Variants in ZC3H14 observed in about 807,000 individuals in gnomAD.
ZC3H14 encodes the protein zinc finger CCCH domain-containing protein 14.
Under a neutral mutation model 92.4 loss-of-function variants are expected in ZC3H14, and 31 were observed. The observed-to-expected ratio is 0.34, with a 90% CI of 0.25 to 0.45. The LOEUF is 0.45. ZC3H14 is among the 20% of genes least tolerant of loss of function. The pLI, the probability that ZC3H14 is intolerant of heterozygous loss-of-function variation, is 1.00. For missense variants in ZC3H14, 781 were observed against 897.3 expected, an observed-to-expected ratio of 0.87 and a Z score of 1.66; for synonymous variants, 321 against 300.9, an observed-to-expected ratio of 1.07 and a Z score of -0.69.
rs150726246 is a variant in ZC3H14, at chr14:88,568,273, G to A, written c.194+120G>A. ...TTTACTTTGGAGAGGCAGTTTGTGA[G>A]TGATGAGAGCACAGCCTCTGTATTA... On this transcript the variant is annotated intron_variant, in intron 3 of 16. Coordinates refer to ENST00000251038, the MANE Select transcript of ZC3H14 (RefSeq NM_024824.5). 5.8e-3 allele frequency: 4,563 copies of A among 780,206 alleles called. 38 individuals are homozygous for A. Among genetic ancestry groups the A allele is most frequent in the Non-Finnish European group, 5.9e-3 (2,634 of 446,608 alleles). The allele number at this position is 780,206 out of a possible 1,614,324, so 48.3% of individuals were successfully genotyped here.
intron 9 of ZC3H14, among the ~76,000 whole-genome samples, chr14:88,583,609 A>G (rs1344803259): frequency 6.6e-6 from 1 of 152,140 alleles, no homozygotes; most frequent in Non-Finnish European, 1.5e-5. Context: ...AGTATTTGGA[A>G]GTGGTATGTG....
At position 88,620,700 on chromosome 14, in the gene ZC3H14, A is replaced by G. The variant is rs2088734532; in HGVS notation, c.*8949A>G. 17 of 1,390,970 alleles carry G rather than the reference A, an allele frequency of 1.2e-5. No individual in the cohort carries two copies. Among genetic ancestry groups the G allele is most frequent in the Non-Finnish European group, 1.6e-5 (17 of 1,067,876 alleles). 86.2% of individuals were successfully genotyped at this position (1,390,970 alleles called of 1,614,324 possible). A position where few individuals can be genotyped will look rare whatever the true frequency, so the allele number is the denominator to read the frequency against. On this transcript the variant is annotated 3_prime_UTR_variant, in exon 17 of 17. Transcript: ENST00000251038. The surrounding 1 kb of genome is among the most constrained non-coding windows in gnomAD (Gnocchi z 4.3). ...AGGCAAGGCTATGGAAAATTTTACA[A>G]ATGGAAGTTAAATCAAGTATATACT...
In ZC3H14 at chr14:88,563,051, C is replaced by G; in HGVS notation, c.-83C>G. 2.0e-6 allele frequency: 3 copies of G among 1,525,860 alleles called. No individual in the cohort carries two copies. The highest frequency in any genetic ancestry group is 2.8e-5 in the African/African-American group (2 of 72,098). 94.5% of individuals were successfully genotyped at this position (1,525,860 alleles called of 1,614,324 possible). On this transcript the variant is annotated 5_prime_UTR_variant, in exon 1 of 17. Transcript: ENST00000251038. ...GGAACGGAGGAGGAGGCGGTGGTGT[C>G]CCGGCTGCGGGGTAGGAGTCCGCGG...
Position 88,616,878 on chromosome 14 carries a change from T to C in ZC3H14, c.*5127T>C. The stretch of plus-strand genomic sequence containing the variant: ...ATTCCCAAAACCTCATCTCCTAGAA[T>C]ACTAGAGGGAAGGAACAAAAGAAAA... On this transcript the variant is annotated 3_prime_UTR_variant, in exon 17 of 17. Transcript: ENST00000251038. The C allele has an allele frequency of 6.2e-7, 1 of 1,613,130 alleles. No homozygotes were observed. Among genetic ancestry groups the C allele is most frequent in the Non-Finnish European group, 8.5e-7 (1 of 1,179,532 alleles).
intron 8 of ZC3H14, 106 bp from the exon 9 acceptor site, chr14:88,577,879 T>G: frequency 1.2e-5 from 18 of 1,459,722 alleles, no homozygotes; most frequent in Non-Finnish European, 1.6e-5. Context: ...TGAACTCATA[T>G]GTCCTAAACC....
In ZC3H14 at chr14:88,627,097, C is replaced by A. The variant is rs2090029360; in HGVS notation, c.*15346C>A. ...AGGTTATTACAAGAACCAAGCTAAT[C>A]AACAGCATCAAACAAATATGTAAAA... On this transcript the variant is annotated 3_prime_UTR_variant, in exon 17 of 17. Coordinates refer to ENST00000251038, the MANE Select transcript of ZC3H14 (RefSeq NM_024824.5). The A allele has an allele frequency of 2.6e-6, 4 of 1,562,472 alleles. No individual in the cohort carries two copies. Among genetic ancestry groups the A allele is most frequent in the Non-Finnish European group, 2.6e-6 (3 of 1,137,476 alleles).
At chr14:88,564,315 C>G (rs2079281767) in intron 2 of ZC3H14, among the ~76,000 whole-genome samples, 1 of 152,128 alleles carries the variant, frequency 6.6e-6, no homozygotes, top group Non-Finnish European at 1.5e-5. Flanking sequence ...AGTGTTTACT[C>G]TGGGTCAGGT....
intron 12 of ZC3H14, among the ~76,000 whole-genome samples, chr14:88,606,235 A>G (rs2085377930): frequency 6.6e-6 from 1 of 152,208 alleles, no homozygotes; most frequent in Non-Finnish European, 1.5e-5. Flanking sequence ...CTGAAACAGG[A>G]TAAAAATCTG....
At chr14:88,602,147 G>T in intron 11 of ZC3H14, 64 bp downstream of exon 11, 1 of 1,606,556 alleles carries the variant, frequency 6.2e-7, no homozygotes, top group South Asian at 1.1e-5. Context: ...TTAACCATTC[G>T]TTTGCAGCTT....
At position 88,602,925 on chromosome 14, in the gene ZC3H14, G is replaced by A; in HGVS notation, c.1612G>A (p.Asp538Asn). Reference sequence around the variant, plus strand: ...AGGATACATGTCAGATCAAGAGGAGGACATGTGCTTTGAAGGAATGAAACC... The same window carrying A: ...AGGATACATGTCAGATCAAGAGGAGAACATGTGCTTTGAAGGAATGAAACC... ...PPGYMSDQEE[D>N]MCFEGMKPVN... Residue 538 changes from aspartate to asparagine, a missense_variant, in exon 12 of 17, where the codon GAC becomes AAC. Physicochemically the swap from Asp to Asn is conservative, Grantham distance 23. Coordinates refer to ENST00000251038, the MANE Select transcript of ZC3H14 (RefSeq NM_024824.5). 2 of 1,614,114 alleles carry A rather than the reference G, an allele frequency of 1.2e-6. No individual in the cohort carries two copies. Among genetic ancestry groups the A allele is most frequent in the South Asian group, 2.2e-5 (2 of 91,072 alleles).
At chr14:88,604,286 A>T (rs1000478471) in intron 12 of ZC3H14, among the ~76,000 whole-genome samples, 2 of 152,186 alleles carry the variant, frequency 1.3e-5, no homozygotes, top group African/African-American at 4.8e-5. Context: ...TTGTGCTGAC[A>T]GCCATGATGA....
chr14:88,575,363 GAAC>G (rs1327267626), intron 7 of ZC3H14, among the ~76,000 whole-genome samples: 1 of 152,014 alleles, frequency 6.6e-6, no homozygotes, highest in African/African-American at 2.4e-5. Context: ...GGGTGAGGAG[GAAC>G]AACATCAATT....
In ZC3H14 at chr14:88,578,005, C is replaced by T; in HGVS notation, c.1144C>T (p.Pro382Ser). The change falls in exon 9 of 17, where the codon CCA (proline) becomes TCA (serine). Residue 382 changes from proline (P) to serine (S), a missense_variant. Physicochemically the swap from Pro to Ser is moderately conservative, Grantham distance 74. Transcript: ENST00000251038. ...GAAAGTTCCACAGAAACAGACACTT[C>T]CAGTTGCTCCCAGAACTCGAACTTC... ...YSTVPQKQTL[P>S]VAPRTRTSQE... 6.2e-7 allele frequency: 1 copy of T among 1,614,130 alleles called. No individual in the cohort carries two copies. The highest frequency in any genetic ancestry group is 8.5e-7 in the Non-Finnish European group (1 of 1,180,030).
chr14:88,618,425 T>C lies in ZC3H14; in HGVS notation c.*6674T>C. 1 of 1,182,018 alleles carries C rather than the reference T, an allele frequency of 8.5e-7. No homozygotes were observed. The highest frequency in any genetic ancestry group is 1.3e-5 in the South Asian group (1 of 75,820). 73.2% of individuals were successfully genotyped at this position (1,182,018 alleles called of 1,614,324 possible). On this transcript the variant is annotated 3_prime_UTR_variant, in exon 17 of 17. Transcript: ENST00000251038. ...AGAATACTAGCATATTGCTACTTGATTTACATGTCTAACATTATTAAGTAT... is the reference window on the plus strand; with the variant it reads ...AGAATACTAGCATATTGCTACTTGACTTACATGTCTAACATTATTAAGTAT...
chr14:88,622,136 C>A lies in ZC3H14; in HGVS notation c.*10385C>A. 1 of 190,768 alleles carries A rather than the reference C, an allele frequency of 5.2e-6. No individual in the cohort carries two copies. The highest frequency in any genetic ancestry group is 1.1e-5 in the Non-Finnish European group (1 of 88,610). 11.8% of individuals were successfully genotyped at this position (190,768 alleles called of 1,614,324 possible). ...GGAGTGAGAACATGTATTTATCTTT[C>A]TGTGCCTGGCTTATTTCACTTCACA... On this transcript the variant is annotated 3_prime_UTR_variant, in exon 17 of 17. Coordinates refer to ENST00000251038, the MANE Select transcript of ZC3H14 (RefSeq NM_024824.5).
At chr14:88,563,440 G>A in intron 1 of ZC3H14, 1 of 1,435,920 alleles carries the variant, frequency 7.0e-7, no homozygotes, top group Non-Finnish European at 9.0e-7. Flanking sequence ...GCGCCGCTTT[G>A]GATCCGCTGC....
intron 3 of ZC3H14, 115 bp downstream of exon 3, chr14:88,568,268 T>A (rs2079951901): frequency 1.2e-6 from 1 of 813,850 alleles, no homozygotes; most frequent in Non-Finnish European, 2.1e-6. Flanking sequence ...AGAGGCAGTT[T>A]GTGAGTGATG....
intron 9 of ZC3H14, chr14:88,594,352 C>CT: frequency 9.9e-7 from 1 of 1,013,942 alleles, no homozygotes; most frequent in Non-Finnish European, 1.2e-6. Flanking sequence ...TGACACATGT[C>CT]TGTTTTCAGC....
At chr14:88,609,187 G>C in intron 13 of ZC3H14, 80 bp from the exon 14 acceptor site, 1 of 1,566,868 alleles carries the variant, frequency 6.4e-7, no homozygotes, top group Non-Finnish European at 8.8e-7. Context: ...GTGATGGGGA[G>C]TGTAAAGAGC....
Sources: allele counts gnomAD v4.1 joint callset (sites outside exome capture counted in the v4.1 genomes callset), GRCh38; gene constraint gnomAD v4.1.1; non-coding constraint Gnocchi (gnomAD v3.1); transcripts MANE v1.5; gene names NCBI Gene and HGNC (gene_info 2026-07-23, HGNC 2026-07-21).